Variants in ITPR3 observed in about 807,000 individuals in gnomAD.
ITPR3 encodes the protein inositol 1,4,5-trisphosphate-gated calcium channel ITPR3.
ITPR3 carries 173 observed loss-of-function variants against 293.2 expected under a neutral mutation model. The ratio of observed to expected loss-of-function variants is 0.59; its 90% CI spans 0.52 to 0.67. The LOEUF is 0.67. Ranked by LOEUF, ITPR3 falls within the 30% of genes least tolerant of loss-of-function variation. The pLI is 0.00. For synonymous variants in ITPR3, 1,295 were observed against 1,444.4 expected (o/e 0.90, Z 2.35); for missense variants, 2,796 against 3,592.1 (o/e 0.78, Z 5.66).
chr6:33,652,663 A>G (rs183908411), intron 2 of ITPR3, among the ~76,000 whole-genome samples: 4 of 152,006 alleles, frequency 2.6e-5, no homozygotes, highest in East Asian at 3.9e-4. Flanking sequence ...ATGGGGTTTC[A>G]CCACGTTGGT....
rs746966107 is a variant in ITPR3, at chr6:33,684,837, C to T, written c.5201C>T (p.Thr1734Ile). The stretch of plus-strand genomic sequence containing the variant: ...TGCCGGCTGGACAAGGAGGGGGCCA[C>T]CAAGTTGGTATGCGACCTCATCACC... ...TQCRLDKEGA[T>I]KLVCDLITST... is the part of the protein sequence containing the mutation. The change falls in exon 39 of 58, where the codon ACC becomes ATC. Residue 1734 changes from threonine (T) to isoleucine (I), a missense_variant. Physicochemically the swap from Thr to Ile is moderately conservative, Grantham distance 89. Coordinates refer to ENST00000605930, the MANE Select transcript of ITPR3 (RefSeq NM_002224.4). The surrounding 1 kb of genome is among the most constrained non-coding windows in gnomAD (Gnocchi z 4.2). The T allele has an allele frequency of 1.2e-6, 2 of 1,613,922 alleles. No homozygotes were observed. Among genetic ancestry groups the T allele is most frequent in the Non-Finnish European group, 8.5e-7 (1 of 1,180,000 alleles).
chr6:33,686,469 G>A lies in ITPR3; in HGVS notation c.5929G>A (p.Asp1977Asn), dbSNP rs779300221. Residue 1977 changes from aspartate to asparagine, a missense_variant, in exon 43 of 58, where the codon GAC becomes AAC. Coordinates refer to ENST00000605930, the MANE Select transcript of ITPR3 (RefSeq NM_002224.4). ...CATCATCACCGCACTGATCCTCAAT[G>A]ACATCAGCCCCCTGTGCAAGTACCG... ...IDIITALILNDISPLCKYRMD... is the reference protein window; with the variant it reads ...IDIITALILNNISPLCKYRMD... 5 of 1,614,260 alleles carry A rather than the reference G, an allele frequency of 3.1e-6. No homozygotes were observed. The South Asian group carries it at 5.5e-5, about 18-fold the overall frequency.
rs1269968393 is a variant in ITPR3, at chr6:33,665,906, T to C, written c.1481T>C (p.Leu494Pro). The C allele has an allele frequency of 6.2e-7, 1 of 1,614,204 alleles. No individual in the cohort carries two copies. Among genetic ancestry groups the C allele is most frequent in the South Asian group, 1.1e-5 (1 of 91,084 alleles). Reference protein sequence around the residue: ...SDVPNNGQNVLDIMVTKPNRE... With the variant: ...SDVPNNGQNVPDIMVTKPNRE... ...GTCCCCAACAATGGGCAGAATGTCC[T>C]GGACATCATGGTCACTAAGCCCAAC... Residue 494 changes from leucine (L) to proline (P), a missense_variant, in exon 14 of 58, where the codon CTG becomes CCG. Physicochemically the swap from Leu to Pro is moderately conservative, Grantham distance 98 (BLOSUM62 -3). Transcript: ENST00000605930.
At position 33,684,307 on chromosome 6, in the gene ITPR3, G is replaced by A; in HGVS notation, c.4938-50G>A. 1 of 1,595,312 alleles carries A rather than the reference G, an allele frequency of 6.3e-7. No homozygotes were observed. Among genetic ancestry groups the A allele is most frequent in the Non-Finnish European group, 8.6e-7 (1 of 1,163,796 alleles). The stretch of plus-strand genomic sequence containing the variant: ...CCTGGGATGGGGTGGGGAAGTAGCT[G>A]GAGGGAGGCAGTGTGGGGCTGCCCT... On this transcript the variant is annotated intron_variant, in intron 36 of 57. Coordinates refer to ENST00000605930, the MANE Select transcript of ITPR3 (RefSeq NM_002224.4). This position sits in a 1 kb window ranked among gnomAD's most constrained non-coding sequence, Gnocchi z 4.2.
intron 23 of ITPR3, 71 bp from the exon 24 acceptor site, chr6:33,674,137 G>A: frequency 1.3e-6 from 2 of 1,568,810 alleles, no homozygotes; most frequent in Non-Finnish European, 1.7e-6. Context: ...GGTGGTTTGA[G>A]TGTCTCCCTG....
chr6:33,642,480 G>A lies in ITPR3; in HGVS notation c.160+1926G>A, dbSNP rs1220940007. ...GACCGGAAGGGGAAGCTTTGCATGTGTGTCGAGGTGTGTGTGGGCAGCTGT... is the reference window on the plus strand; with the variant it reads ...GACCGGAAGGGGAAGCTTTGCATGTATGTCGAGGTGTGTGTGGGCAGCTGT... On this transcript the variant is annotated intron_variant, in intron 2 of 57. Coordinates refer to ENST00000605930, the MANE Select transcript of ITPR3 (RefSeq NM_002224.4). 6.6e-5 allele frequency among the ~76,000 whole-genome samples: 10 copies of A among 152,300 alleles called. No individual in the cohort carries two copies. In the East Asian group the frequency reaches 1.9e-3, roughly 29 times the overall value.
chr6:33,659,011 GTCT>G lies in ITPR3; in HGVS notation c.529-9_529-7del, dbSNP rs745667923. On this transcript the variant is annotated splice_region_variant and splice_polypyrimidine_tract_variant and intron_variant, in intron 5 of 57. Transcript: ENST00000605930. The stretch of plus-strand genomic sequence containing the variant: ...CCTTCCCACCTAACCTGTCCCACCT[GTCT>G]GCTCAGGTGGTCGTGGGGGACAAGG... The G allele has an allele frequency of 2.2e-5, 35 of 1,614,062 alleles. No individual in the cohort carries two copies. Among genetic ancestry groups the G allele is most frequent in the Non-Finnish European group, 3.0e-5 (35 of 1,179,942 alleles).
intron 30 of ITPR3, 78 bp downstream of exon 30, chr6:33,678,917 G>A: frequency 1.4e-6 from 2 of 1,425,604 alleles, no homozygotes; most frequent in Non-Finnish European, 1.9e-6. Context: ...AGGCCACAGA[G>A]TTAGAGAAGT....
chr6:33,681,782 C>T (rs950097910), intron 33 of ITPR3, among the ~76,000 whole-genome samples: 3 of 152,102 alleles, frequency 2.0e-5, no homozygotes, highest in East Asian at 1.9e-4. Flanking sequence ...GCCCTGGGAT[C>T]GCATTGGGAC....
chr6:33,635,014 A>G (rs1763785610), intron 1 of ITPR3, among the ~76,000 whole-genome samples: 1 of 152,012 alleles, frequency 6.6e-6, no homozygotes. Flanking sequence ...CACAACCTCC[A>G]TGCTGCCCTG....
Position 33,667,103 on chromosome 6 carries a change from A to G in ITPR3, c.1552-26A>G. The G allele has an allele frequency of 6.2e-7, 1 of 1,608,298 alleles. No individual in the cohort carries two copies. On this transcript the variant is annotated intron_variant, in intron 14 of 57. Transcript: ENST00000605930. This position sits in a 1 kb window ranked among gnomAD's most constrained non-coding sequence, Gnocchi z 4.4. Reference sequence around the variant, plus strand: ...GGGTACAGACAGGTGTTGGGGAATCAGTCCTCACCCTCTGTATTCCCCCAG... The same window carrying G: ...GGGTACAGACAGGTGTTGGGGAATCGGTCCTCACCCTCTGTATTCCCCCAG...
At chr6:33,637,928 C>G (rs878919742) in intron 1 of ITPR3, among the ~76,000 whole-genome samples, 1 of 151,822 alleles carries the variant, frequency 6.6e-6, no homozygotes, top group African/African-American at 2.4e-5. Context: ...GGATTACAGG[C>G]GTGAGCCACT....
At chr6:33,665,728 G>T in intron 13 of ITPR3, 107 bp from the exon 14 acceptor site, 2 of 1,263,358 alleles carry the variant, frequency 1.6e-6, no homozygotes, top group South Asian at 1.4e-5. Flanking sequence ...TTTGGGGGCC[G>T]CTGAGTGAAC....
Position 33,694,990 on chromosome 6 carries a change from G to T in ITPR3, c.7852G>T (p.Glu2618Ter), listed in dbSNP as rs1488767315. Residue 2618 changes from glutamate (E) to a stop codon, truncating the protein, a stop_gained, in exon 57 of 58, where the codon GAG (glutamate) becomes TAG (stop). Coordinates refer to ENST00000605930, the MANE Select transcript of ITPR3 (RefSeq NM_002224.4). LOFTEE classifies it high-confidence loss of function. ...CCTTGTCAGCAATGAGGGCGAGGGG[G>T]AGCAGAATGAGATTCGGATTCTCCA... ...MSLVSNEGEG[E>*]QNEIRILQDK... is the part of the protein sequence containing the mutation. The T allele has an allele frequency of 6.2e-7, 1 of 1,614,156 alleles. No individual in the cohort carries two copies. Among genetic ancestry groups the T allele is most frequent in the Admixed American group, 1.7e-5 (1 of 60,024 alleles).
chr6:33,623,079 A>G (rs1763474753), intron 1 of ITPR3, among the ~76,000 whole-genome samples: 1 of 152,080 alleles, frequency 6.6e-6, no homozygotes, highest in African/African-American at 2.4e-5. Flanking sequence ...TCCTCCAGAG[A>G]GCAGTGACTA....
chr6:33,673,944 C>T lies in ITPR3; in HGVS notation c.3058+224C>T, dbSNP rs9368771. ...GCTCACAGAACAGCAGGGACTTGCT[C>T]GAGGTGACAGCCAGTCAGAGGCTGA... is the stretch of plus-strand genomic sequence containing the variant. On this transcript the variant is annotated intron_variant, in intron 23 of 57. Transcript: ENST00000605930. Among the ~76,000 whole-genome samples, 34,827 of 152,160 alleles carry T rather than the reference C, an allele frequency of 0.23. 4,631 individuals are homozygous for T. Among genetic ancestry groups the T allele is most frequent in the East Asian group, 0.43 (2,202 of 5,156 alleles).
chr6:33,687,570 T>G lies in ITPR3; in HGVS notation c.6264+6T>G. 1.5e-6 allele frequency: 2 copies of G among 1,366,774 alleles called. No homozygotes were observed. Among genetic ancestry groups the G allele is most frequent in the Non-Finnish European group, 2.1e-6 (2 of 964,948 alleles). 84.7% of individuals were successfully genotyped at this position (1,366,774 alleles called of 1,614,324 possible). Reference sequence around the variant, plus strand: ...CCGAGGGTATCTCTTCCATGGTGGGTGCTGGCCCCGAGACTGGGGTGGGGG... The same window carrying G: ...CCGAGGGTATCTCTTCCATGGTGGGGGCTGGCCCCGAGACTGGGGTGGGGG... On this transcript the variant is annotated splice_donor_region_variant and intron_variant, in intron 46 of 57. Coordinates refer to ENST00000605930, the MANE Select transcript of ITPR3 (RefSeq NM_002224.4). The surrounding 1 kb of genome is among the most constrained non-coding windows in gnomAD (Gnocchi z 5.3).
chr6:33,681,936 A>G (rs572004863), intron 33 of ITPR3, among the ~76,000 whole-genome samples: 27 of 151,930 alleles, frequency 1.8e-4, no homozygotes, highest in African/African-American at 6.5e-4. Context: ...GCTAGAGTGC[A>G]GTAGCACAAC....
chr6:33,631,174 G>T (rs1043822514), intron 1 of ITPR3, among the ~76,000 whole-genome samples: 1 of 152,200 alleles, frequency 6.6e-6, no homozygotes, highest in African/African-American at 2.4e-5. Context: ...AGCCCTACGG[G>T]GCTTAGTGGG....
Sources: gnomAD v4.1 joint callset for allele counts (sites outside exome capture counted in the v4.1 genomes callset) on GRCh38, gnomAD v4.1.1 for gene constraint, Gnocchi (gnomAD v3.1) non-coding constraint, MANE v1.5 for transcripts, NCBI Gene and HGNC (gene_info 2026-07-23, HGNC 2026-07-21) for gene names.